Variants in SMG6 observed in about 807,000 individuals in gnomAD.
The protein encoded by SMG6 is SMG6 nonsense mediated mRNA decay factor, also known as telomerase-binding protein EST1A.
A neutral mutation model predicts 142.2 loss-of-function variants in SMG6; 66 were observed. That is an observed-to-expected ratio of 0.46 (90% CI 0.38 to 0.57). The LOEUF is 0.57. SMG6 is among the 20% of genes least tolerant of loss of function. The probability of loss-of-function intolerance (pLI) is 0.00; values close to 1 mark genes in which losing one functional copy is unlikely to be tolerated. For missense variants in SMG6, 1,793 were observed against 1,832.0 expected, an observed-to-expected ratio of 0.98 and a Z score of 0.39; for synonymous variants, 779 against 702.4, an observed-to-expected ratio of 1.11 and a Z score of -1.72.
chr17:2,219,815 A>C (rs1212535508), intron 10 of SMG6, among the ~76,000 whole-genome samples: 16 of 151,832 alleles, frequency 1.1e-4, no homozygotes, highest in Admixed American at 1.0e-3. Context: ...AAAAAAAAAA[A>C]AAAAAAGAAA....
At chr17:2,155,414 T>C (rs1000523490) in intron 13 of SMG6, among the ~76,000 whole-genome samples, 3 of 152,180 alleles carry the variant, frequency 2.0e-5, no homozygotes, top group African/African-American at 4.8e-5. Flanking sequence ...AAAGTATCCA[T>C]GTGAAAATAA....
chr17:2,117,340 G>T (rs1273917604), intron 13 of SMG6, among the ~76,000 whole-genome samples: 1 of 151,992 alleles, frequency 6.6e-6, no homozygotes, highest in African/African-American at 2.4e-5. Context: ...AACGCTGAAA[G>T]CATAAAAATG....
intron 13 of SMG6, among the ~76,000 whole-genome samples, chr17:2,105,317 G>T (rs896155360): frequency 1.2e-4 from 18 of 150,836 alleles, no homozygotes; most frequent in Admixed American, 3.3e-4. Flanking sequence ...AGGCCAAGGT[G>T]GGTGGATCAC....
At chr17:2,073,970 T>C (rs1437098880) in intron 15 of SMG6, among the ~76,000 whole-genome samples, 1 of 151,498 alleles carries the variant, frequency 6.6e-6, no homozygotes, top group African/African-American at 2.4e-5. Flanking sequence ...TCCCAGCTAC[T>C]CGGGAGGCTG....
intron 13 of SMG6, chr17:2,127,355 C>A (rs541887995): frequency 5.5e-6 from 3 of 547,482 alleles, no homozygotes; most frequent in South Asian, 3.3e-5. Context: ...CTTAATGCCA[C>A]TGAGTTGTAC....
intron 13 of SMG6, among the ~76,000 whole-genome samples, chr17:2,122,697 G>C (rs2069741448): frequency 6.6e-6 from 1 of 152,230 alleles, no homozygotes; most frequent in African/African-American, 2.4e-5. Flanking sequence ...CAGTAGTTCT[G>C]TGTCTGGACG....
intron 9 of SMG6, among the ~76,000 whole-genome samples, chr17:2,242,064 T>C (rs2073814635): frequency 6.6e-6 from 1 of 152,170 alleles, no homozygotes; most frequent in Non-Finnish European, 1.5e-5. Context: ...CAGAGTCATC[T>C]GGCTCAAAAT....
chr17:2,303,163 G>A, intron 1 of SMG6: 1 of 985,450 alleles, frequency 1.0e-6, no homozygotes, highest in Non-Finnish European at 1.2e-6. Context: ...CTGTCTTGGG[G>A]GGGAAAAGTT....
Position 2,160,498 on chromosome 17 carries a change from C to A in SMG6, c.3357+12160G>T, listed in dbSNP as rs556820430. On this transcript the variant is annotated intron_variant, in intron 13 of 18. Transcript: ENST00000263073. Reference sequence around the variant, plus strand: ...CCTCCCAAAGTGCTGGGATTACAGGCATGAGCCACCGCGCCTGGCCTTCAA... The same window carrying A: ...CCTCCCAAAGTGCTGGGATTACAGGAATGAGCCACCGCGCCTGGCCTTCAA... Among the ~76,000 whole-genome samples, 5 of 152,292 alleles carry A rather than the reference C, an allele frequency of 3.3e-5. No homozygotes were observed. The East Asian group carries it at 9.7e-4, about 29-fold the overall frequency.
At chr17:2,275,502 A>G (rs2074629761) in intron 8 of SMG6, among the ~76,000 whole-genome samples, 1 of 152,226 alleles carries the variant, frequency 6.6e-6, no homozygotes, top group South Asian at 2.1e-4. Flanking sequence ...CTTCCCCAGC[A>G]GACAGACATG....
intron 6 of SMG6, among the ~76,000 whole-genome samples, chr17:2,291,307 A>T (rs143830705): frequency 2.0e-5 from 3 of 151,530 alleles, no homozygotes; most frequent in African/African-American, 7.3e-5. Context: ...CTCCAGCCTG[A>T]GCGACAGAGC....
intron 9 of SMG6, among the ~76,000 whole-genome samples, chr17:2,243,518 T>G (rs748997473): frequency 6.6e-6 from 1 of 152,022 alleles, no homozygotes; most frequent in Non-Finnish European, 1.5e-5. Flanking sequence ...CCATCTCTGC[T>G]AAAAATGCAA....
intron 13 of SMG6, among the ~76,000 whole-genome samples, chr17:2,097,214 G>A (rs996949081): frequency 6.6e-6 from 1 of 151,488 alleles, no homozygotes; most frequent in Admixed American, 6.6e-5. Flanking sequence ...GTGTGCAGTG[G>A]CACAATCACG....
intron 9 of SMG6, among the ~76,000 whole-genome samples, chr17:2,239,271 GTTA>G (rs1403454283): frequency 6.6e-6 from 1 of 152,100 alleles, no homozygotes; most frequent in Non-Finnish European, 1.5e-5. Flanking sequence ...TAGTTTTAAT[GTTA>G]TACTTTTATA....
chr17:2,072,400 G>A (rs1429645722), intron 15 of SMG6, among the ~76,000 whole-genome samples: 1 of 152,032 alleles, frequency 6.6e-6, no homozygotes, highest in Non-Finnish European at 1.5e-5. Context: ...CATAAAATGT[G>A]GAAGAAAAAA....
In SMG6 at chr17:2,130,266, C is replaced by CAAAAA. The variant is rs903007543; in HGVS notation, c.3357+42387_3357+42391dup. Among the ~76,000 whole-genome samples, 151 of 39,512 alleles carry CAAAAA rather than the reference C, an allele frequency of 3.8e-3. 15 individuals carry two copies. Among genetic ancestry groups the CAAAAA allele is most frequent in the African/African-American group, 0.02 (129 of 6,390 alleles). The allele number at this position is 39,512 out of a possible 152,430, so 25.9% of individuals were successfully genotyped here. ...TGGGCGACAGAGCGAGACTCCGTCT[C>CAAAAA]AAAAAAAAAAAAAAAAAAGAAACAG... On this transcript the variant is annotated intron_variant, in intron 13 of 18. Coordinates refer to ENST00000263073, the MANE Select transcript of SMG6 (RefSeq NM_017575.5).
intron 8 of SMG6, among the ~76,000 whole-genome samples, chr17:2,275,123 CAT>C (rs2074620516): frequency 6.6e-6 from 1 of 151,944 alleles, no homozygotes; most frequent in Non-Finnish European, 1.5e-5. Flanking sequence ...CTCCTTCCTA[CAT>C]ATATAAAGAA....
rs749537273 is a variant in SMG6, at chr17:2,299,828, T to C, written c.925A>G (p.Ile309Val). 40 of 1,614,088 alleles carry C rather than the reference T, an allele frequency of 2.5e-5. No individual in the cohort carries two copies. The highest frequency in any genetic ancestry group is 3.0e-5 in the Non-Finnish European group (35 of 1,180,048). The change falls in exon 2 of 19, where the codon ATT becomes GTT. Residue 309 changes from isoleucine to valine, a missense_variant. Coordinates refer to ENST00000263073, the MANE Select transcript of SMG6 (RefSeq NM_017575.5). This position sits in a 1 kb window ranked among gnomAD's most constrained non-coding sequence, Gnocchi z 4.3. ...GGTCCTAATCCATCAGGCTCATCAA[T>C]TCTGTCCTCGTCTAAGGAATCGGTT... ...SSTDSLDEDR[I>V]DEPDGLGPRR...
At chr17:2,207,313 C>A (rs2072717801) in intron 10 of SMG6, among the ~76,000 whole-genome samples, 1 of 151,834 alleles carries the variant, frequency 6.6e-6, no homozygotes, top group South Asian at 2.1e-4. Context: ...AAACAAAAAA[C>A]CCCACTAAAT....
Sources: allele counts gnomAD v4.1 joint callset (sites outside exome capture counted in the v4.1 genomes callset), GRCh38; gene constraint gnomAD v4.1.1; non-coding constraint Gnocchi (gnomAD v3.1); transcripts MANE v1.5; gene names NCBI Gene and HGNC (gene_info 2026-07-23, HGNC 2026-07-21).